URGCP: variants seen among roughly 807,000 people sequenced by gnomAD.
The protein encoded by URGCP is upregulator of cell proliferation, also known as up-regulator of cell proliferation.
A neutral mutation model predicts 24.6 loss-of-function variants in URGCP; 13 were observed. The ratio of observed to expected loss-of-function variants is 0.53; its 90% confidence interval spans 0.34 to 0.84. URGCP has a LOEUF of 0.84. Ranked by LOEUF, URGCP falls within the 40% of genes least tolerant of loss-of-function variation. The pLI, the probability that URGCP is intolerant of heterozygous loss-of-function variation, is 0.01. For synonymous variants in URGCP, 444 were observed against 487.2 expected (o/e 0.91, Z 1.17); for missense variants, 899 against 1,194.3 (o/e 0.75, Z 3.64).
rs2095864006 is a variant in URGCP at position 43,887,555 on chromosome 7, C to T, written c.42-70G>A. 1.3e-5 allele frequency: 20 copies of T among 1,567,770 alleles called. No homozygotes were observed. The South Asian group carries it at 2.2e-4, about 17-fold the overall frequency. ...CCACTTTCACCTATCAAACTGGCCGCATATAAAATCTCTTGGAGAGCTTTT... is the reference window on the plus strand; with the variant it reads ...CCACTTTCACCTATCAAACTGGCCGTATATAAAATCTCTTGGAGAGCTTTT... On this transcript the variant is annotated intron_variant, in intron 2 of 5. Coordinates refer to ENST00000453200, the MANE Select transcript of URGCP (RefSeq NM_001077663.3).
Position 43,881,901 on chromosome 7 carries a change from T to C in URGCP, c.163+6A>G, listed in dbSNP as rs781432014. Reference sequence around the variant, plus strand: ...CCAATCTGTTGCCAAATCCTGTAGTTTCTACCTCCATAACGGAACTCGCAA... The same window carrying C: ...CCAATCTGTTGCCAAATCCTGTAGTCTCTACCTCCATAACGGAACTCGCAA... On this transcript the variant is annotated splice_donor_region_variant and intron_variant, in intron 4 of 5. Coordinates refer to ENST00000453200, the MANE Select transcript of URGCP (RefSeq NM_001077663.3). 1 of 1,614,070 alleles carries C rather than the reference T, an allele frequency of 6.2e-7. No homozygotes were observed. Among genetic ancestry groups the C allele is most frequent in the Admixed American group, 1.7e-5 (1 of 60,028 alleles).
chr7:43,894,405 G>C (rs969782413), intron 1 of URGCP, among the ~76,000 whole-genome samples: 2 of 152,156 alleles, frequency 1.3e-5, no homozygotes, highest in Non-Finnish European at 2.9e-5. Context: ...CTGATGTGCA[G>C]TAGTACCATC....
intron 3 of URGCP, among the ~76,000 whole-genome samples, chr7:43,885,170 G>A (rs1562576048): frequency 1.3e-5 from 2 of 151,360 alleles, no homozygotes. Context: ...GTATGATCCC[G>A]GCTCACAGAA....
At chr7:43,902,461 C>T (rs2095893011) in intron 1 of URGCP, among the ~76,000 whole-genome samples, 1 of 152,214 alleles carries the variant, frequency 6.6e-6, no homozygotes, top group Non-Finnish European at 1.5e-5. Flanking sequence ...GCAGGTCTTA[C>T]TCCATTTCTC....
rs189054377 is a variant in URGCP, at chr7:43,884,233, C to A, written c.113-2276G>T. Reference sequence around the variant, plus strand: ...CCACTGACTAGGGTTCGGAGAGAGCCTGATGTTCTGCAGCCATCAGCAGAT... The same window carrying A: ...CCACTGACTAGGGTTCGGAGAGAGCATGATGTTCTGCAGCCATCAGCAGAT... On this transcript the variant is annotated intron_variant, in intron 3 of 5. Transcript: ENST00000453200. Among the ~76,000 whole-genome samples, 27 of 152,252 alleles carry A rather than the reference C, an allele frequency of 1.8e-4. No homozygotes were observed. In the East Asian group the frequency reaches 4.2e-3, roughly 24 times the overall value.
In URGCP at chr7:43,877,901, G is replaced by C; in HGVS notation, c.1562C>G (p.Pro521Arg). Residue 521 changes from proline (P) to arginine (R), a missense_variant, in exon 6 of 6, where the codon CCT becomes CGT. Coordinates refer to ENST00000453200, the MANE Select transcript of URGCP (RefSeq NM_001077663.3). ...FCQLQWAVDP[P>R]EKHRAELRRR... ...CCTCAGCTCAGCCCTGTGCTTCTCA[G>C]GGGGGTCCACGGCCCACTGGAGCTG... 2 of 1,613,752 alleles carry C rather than the reference G, an allele frequency of 1.2e-6. No homozygotes were observed. Among genetic ancestry groups the C allele is most frequent in the African/African-American group, 1.3e-5 (1 of 75,042 alleles).
chr7:43,879,617 T>C (rs1193640368), intron 5 of URGCP: 1 of 205,548 alleles, frequency 4.9e-6, no homozygotes, highest in East Asian at 1.2e-4. Context: ...TCAAAATTAA[T>C]TGGCTACAGT....
At position 43,877,726 on chromosome 7, in the gene URGCP, C is replaced by G. The variant is rs776956231; in HGVS notation, c.1737G>C (p.Gln579His). Residue 579 changes from glutamine to histidine, a missense_variant, in exon 6 of 6, where the codon CAG becomes CAC. By Grantham distance (24) the Gln-to-His change is conservative (BLOSUM62 0). Coordinates refer to ENST00000453200, the MANE Select transcript of URGCP (RefSeq NM_001077663.3). Reference sequence around the variant, plus strand: ...TCTCCGGAGGCTGTCTCAGTCGCGGCTGGGCCACCCGTGCCAGGCCCCACT... The same window carrying G: ...TCTCCGGAGGCTGTCTCAGTCGCGGGTGGGCCACCCGTGCCAGGCCCCACT... ...WMEWGLARVAQPRLRQPPETL... is the reference protein window; with the variant it reads ...WMEWGLARVAHPRLRQPPETL... 3.7e-6 allele frequency: 6 copies of G among 1,610,794 alleles called. No homozygotes were observed. In the South Asian group the frequency reaches 6.6e-5, roughly 18 times the overall value.
upstream of URGCP, chr7:43,906,659 G>C (rs1001243383): frequency 9.0e-7 from 1 of 1,111,100 alleles, no homozygotes; most frequent in Non-Finnish European, 1.1e-6. Context: ...CTGGCCCGCC[G>C]GCCGCCCGCC....
At chr7:43,883,488 G>A (rs2132660006) in intron 3 of URGCP, among the ~76,000 whole-genome samples, 1 of 151,104 alleles carries the variant, frequency 6.6e-6, no homozygotes, top group Admixed American at 6.6e-5. Flanking sequence ...AGCCTCCTGA[G>A]TAGGTGGGAC....
At chr7:43,907,727 C>T (rs928609413), upstream of URGCP, among the ~76,000 whole-genome samples, 15 of 152,244 alleles carry the variant, frequency 9.9e-5, no homozygotes, top group African/African-American at 2.6e-4. Flanking sequence ...TAAGTCCCTT[C>T]CTCTCTGTGA....
intron 1 of URGCP, among the ~76,000 whole-genome samples, chr7:43,921,723 T>G (rs2095922694): frequency 6.6e-6 from 1 of 152,186 alleles, no homozygotes; most frequent in African/African-American, 2.4e-5. Context: ...CATGGAAATT[T>G]TTGTCTAGGG....
rs767641618 is a variant in URGCP, at chr7:43,876,765, A to C, written c.2698T>G (p.Phe900Val). Residue 900 changes from phenylalanine to valine, a missense_variant, in exon 6 of 6, where the codon TTT (phenylalanine) becomes GTT (valine). Physicochemically the swap from Phe to Val is conservative, Grantham distance 50. Coordinates refer to ENST00000453200, the MANE Select transcript of URGCP (RefSeq NM_001077663.3). ...AVSLAYSEAI[F>V]ELKRCLLENI... ...TCGAGTAGGCATCTCTTCAATTCAA[A>C]TATGGCTTCACTGTAGGCCAAGCTC... 1 of 1,614,210 alleles carries C rather than the reference A, an allele frequency of 6.2e-7. No individual in the cohort carries two copies. The highest frequency in any genetic ancestry group is 1.7e-5 in the Admixed American group (1 of 60,028).
intron 1 of URGCP, among the ~76,000 whole-genome samples, chr7:43,903,890 A>G (rs534723114): frequency 5.4e-4 from 83 of 152,320 alleles, no homozygotes; most frequent in Non-Finnish European, 1.1e-3. Context: ...ATAGAGCCCA[A>G]GGAAACCCCA....
intron 1 of URGCP, chr7:43,889,054 A>C (rs1455598453): frequency 6.6e-6 from 1 of 152,264 alleles, no homozygotes; most frequent in African/African-American, 2.4e-5. Context: ...AAACATAAAC[A>C]CAGTAACTGA....
intron 1 of URGCP, among the ~76,000 whole-genome samples, chr7:43,891,987 G>A (rs2095871494): frequency 6.6e-6 from 1 of 152,128 alleles, no homozygotes; most frequent in Admixed American, 6.5e-5. Context: ...TCACCATGTT[G>A]GCCAGGCTGG....
Position 43,878,976 on chromosome 7 carries a change from C to G in URGCP, c.487G>C (p.Asp163His). 2 of 1,614,224 alleles carry G rather than the reference C, an allele frequency of 1.2e-6. No homozygotes were observed. The highest frequency in any genetic ancestry group is 1.7e-6 in the Non-Finnish European group (2 of 1,180,048). The stretch of plus-strand genomic sequence containing the variant: ...AAGGAATAAATGTCGGCAGCAAGGT[C>G]ATCAGCTGGGTCCCAGTAGATGATC... ...EEIIYWDPAD[D>H]LAADIYSFSE... is the part of the protein sequence containing the mutation. Residue 163 changes from aspartate to histidine, a missense_variant, in exon 6 of 6, where the codon GAC becomes CAC. Physicochemically the swap from Asp to His is moderately conservative, Grantham distance 81. Coordinates refer to ENST00000453200, the MANE Select transcript of URGCP (RefSeq NM_001077663.3). This position sits in a 1 kb window ranked among gnomAD's most constrained non-coding sequence, Gnocchi z 5.6.
At chr7:43,908,738 T>G (rs2095906891), upstream of URGCP, among the ~76,000 whole-genome samples, 1 of 152,224 alleles carries the variant, frequency 6.6e-6, no homozygotes, top group Non-Finnish European at 1.5e-5. Context: ...TCTCCCCTCC[T>G]GTAAGTTGTT....
rs543947365 is a variant in URGCP, at chr7:43,890,213, CT to C, written c.15-2398del. Among the ~76,000 whole-genome samples the C allele has an allele frequency of 8.4e-3, 917 of 108,756 alleles. 6 individuals are homozygous for C. Among genetic ancestry groups the C allele is most frequent in the African/African-American group, 0.02 (555 of 27,574 alleles). The allele number at this position is 108,756 out of a possible 152,430, so 71.3% of individuals were successfully genotyped here. A position where few individuals can be genotyped will look rare whatever the true frequency, so the allele number is the denominator to read the frequency against. ...AGCCACCACGCCCGGCCACTGGAAA[CT>C]TTTTTTTTTTTTTTTTTTGAGACAG... On this transcript the variant is annotated intron_variant, in intron 1 of 5. Coordinates refer to ENST00000453200, the MANE Select transcript of URGCP (RefSeq NM_001077663.3).
Sources: allele counts gnomAD v4.1 joint callset (sites outside exome capture counted in the v4.1 genomes callset), GRCh38; gene constraint gnomAD v4.1.1; non-coding constraint Gnocchi (gnomAD v3.1); transcripts MANE v1.5; gene names NCBI Gene and HGNC (gene_info 2026-07-23, HGNC 2026-07-21).